TTLL6: variants seen among roughly 807,000 people sequenced by gnomAD.
TTLL6 encodes the protein tubulin polyglutamylase TTLL6.
Under a neutral mutation model 96.4 loss-of-function variants are expected in TTLL6, and 75 were observed. The observed-to-expected ratio is 0.78, with a 90% CI of 0.65 to 0.94. The LOEUF (loss-of-function observed/expected upper bound fraction) is 0.94, where lower values mean the gene tolerates loss of function less well. Among genes scored for constraint, TTLL6 ranks in the 40% least tolerant of loss-of-function variants. The probability of loss-of-function intolerance (pLI) is 0.00; values close to 1 mark genes in which losing one functional copy is unlikely to be tolerated. For synonymous variants in TTLL6, 411 were observed against 419.4 expected, an observed-to-expected ratio of 0.98 and a Z score of 0.24; for missense variants, 1,030 against 1,093.0, an observed-to-expected ratio of 0.94 and a Z score of 0.81.
chr17:48,789,539 A>T (rs1195206780), intron 10 of TTLL6, among the ~76,000 whole-genome samples: 1 of 152,130 alleles, frequency 6.6e-6, no homozygotes, highest in African/African-American at 2.4e-5. Context: ...CATAATTTGG[A>T]GGAAGACAGA....
chr17:48,791,349 G>T, intron 9 of TTLL6, 29 bp downstream of exon 9: 1 of 1,600,436 alleles, frequency 6.2e-7, no homozygotes, highest in Non-Finnish European at 8.6e-7. Flanking sequence ...ACAGGAGTTC[G>T]TTTTCGCCCC....
At chr17:48,801,747 A>G (rs2039419197) in intron 3 of TTLL6, 104 bp from the exon 4 acceptor site, 2 of 911,340 alleles carry the variant, frequency 2.2e-6, no homozygotes, top group East Asian at 2.7e-5. Flanking sequence ...GAAGCAAAAA[A>G]TCTCGGCTCC....
intron 13 of TTLL6, among the ~76,000 whole-genome samples, chr17:48,772,823 T>C (rs1229421818): frequency 6.6e-6 from 1 of 151,328 alleles, no homozygotes; most frequent in East Asian, 1.9e-4. Flanking sequence ...AAAAGAACAC[T>C]AGCCTGGGCA....
chr17:48,808,370 A>ATG (rs1408353178), intron 1 of TTLL6, among the ~76,000 whole-genome samples: 3 of 137,376 alleles, frequency 2.2e-5, no homozygotes, highest in Non-Finnish European at 4.7e-5. Context: ...CGCTTCTCAT[A>ATG]TGTATGTGTG....
intron 1 of TTLL6, among the ~76,000 whole-genome samples, chr17:48,806,889 G>T (rs1406156073): frequency 6.6e-6 from 1 of 151,728 alleles, no homozygotes; most frequent in African/African-American, 2.4e-5. Context: ...AATTAGCCAG[G>T]CATGGTGGTG....
At chr17:48,812,256 A>T (rs2039607916) in intron 1 of TTLL6, 1 of 152,206 alleles carries the variant, frequency 6.6e-6, no homozygotes, top group Non-Finnish European at 1.5e-5. Context: ...GAGGAAAGGC[A>T]AAAGACATGG....
At chr17:48,814,155 C>A (rs142913442) in intron 1 of TTLL6, among the ~76,000 whole-genome samples, 1 of 151,960 alleles carries the variant, frequency 6.6e-6, no homozygotes, top group Non-Finnish European at 1.5e-5. Flanking sequence ...CCCGTCTCTA[C>A]TAAAAATACA....
chr17:48,769,358 C>T (rs1242087677), intron 14 of TTLL6, 104 bp from the exon 15 acceptor site: 6 of 1,363,758 alleles, frequency 4.4e-6, no homozygotes, highest in Non-Finnish European at 4.9e-6. Flanking sequence ...CTGTAACTGC[C>T]ATTCAAAGCT....
intron 8 of TTLL6, among the ~76,000 whole-genome samples, chr17:48,795,812 A>G (rs2039306592): frequency 6.6e-6 from 1 of 152,124 alleles, no homozygotes; most frequent in Non-Finnish European, 1.5e-5. Flanking sequence ...TGCTGGGGAA[A>G]CAGCTCATGT....
At chr17:48,763,136 T>A (rs2038522096) in intron 15 of TTLL6, among the ~76,000 whole-genome samples, 163 bp from the exon 16 acceptor site, 1 of 151,116 alleles carries the variant, frequency 6.6e-6, no homozygotes, top group Non-Finnish European at 1.5e-5. Flanking sequence ...ACAACATTCA[T>A]CTTCCTGTAG....
rs1378796331 is a variant in TTLL6, at chr17:48,810,823, G to GTATA, written c.104-5833_104-5832insTATA. 1.5e-3 allele frequency among the ~76,000 whole-genome samples: 97 copies of GTATA among 65,796 alleles called. 2 individuals are homozygous for GTATA. The highest frequency in any genetic ancestry group is 4.5e-3 in the South Asian group (9 of 2,004). 43.2% of individuals were successfully genotyped at this position (65,796 alleles called of 152,430 possible). A position where few individuals can be genotyped will look rare whatever the true frequency, so the allele number is the denominator to read the frequency against. On this transcript the variant is annotated intron_variant, in intron 1 of 15. Coordinates refer to ENST00000393382, the MANE Select transcript of TTLL6 (RefSeq NM_001130918.3). Reference sequence around the variant, plus strand: ...ATATATACACATATATAGTATGTGTGTGTATATATATATATATATATATAT... The same window carrying GTATA: ...ATATATACACATATATAGTATGTGTGTATATGTATATATATATATATATATATAT...
At chr17:48,815,836 T>C (rs2039660677) in intron 1 of TTLL6, 2 of 152,228 alleles carry the variant, frequency 1.3e-5, no homozygotes, top group Admixed American at 6.5e-5. Context: ...TTTATTCTTC[T>C]AGAAACTGAG....
chr17:48,772,935 T>C (rs926496620), intron 13 of TTLL6, among the ~76,000 whole-genome samples: 1 of 133,670 alleles, frequency 7.5e-6, no homozygotes, highest in African/African-American at 2.9e-5. Flanking sequence ...GCCCAGAAGG[T>C]TGAGCCTGCA....
chr17:48,768,050 T>A (rs1330225603), intron 15 of TTLL6, among the ~76,000 whole-genome samples: 2 of 152,144 alleles, frequency 1.3e-5, no homozygotes, highest in East Asian at 3.8e-4. Context: ...AAGTGCCTAG[T>A]GGGGGCAGAT....
chr17:48,764,708 A>G (rs2038559178), intron 15 of TTLL6, among the ~76,000 whole-genome samples: 1 of 152,150 alleles, frequency 6.6e-6, no homozygotes, highest in African/African-American at 2.4e-5. Context: ...ATGCATTCCA[A>G]TGGACATTCT....
intron 8 of TTLL6, among the ~76,000 whole-genome samples, chr17:48,791,804 T>G (rs554164496): frequency 3.2e-4 from 49 of 152,164 alleles, no homozygotes; most frequent in African/African-American, 9.4e-4. Context: ...CCTCCAAGTC[T>G]CCAGAGCCCC....
intron 9 of TTLL6, 128 bp downstream of exon 9, chr17:48,791,250 C>T (rs1163289329): frequency 7.9e-6 from 6 of 763,800 alleles, no homozygotes; most frequent in Non-Finnish European, 1.1e-5. Flanking sequence ...CCCCAGGCAG[C>T]AGGCACCATG....
chr17:48,795,970 C>G, intron 8 of TTLL6, 91 bp downstream of exon 8: 1 of 1,052,082 alleles, frequency 9.5e-7, no homozygotes, highest in East Asian at 2.7e-5. Context: ...GATGGAAACA[C>G]TGATGGGGAC....
chr17:48,796,871 G>A (rs936920058), intron 7 of TTLL6, among the ~76,000 whole-genome samples, 190 bp downstream of exon 7: 12 of 152,180 alleles, frequency 7.9e-5, no homozygotes, highest in African/African-American at 2.6e-4. Flanking sequence ...TTTTAATCTC[G>A]TCATCTGTAA....
Sources: allele counts gnomAD v4.1 joint callset (sites outside exome capture counted in the v4.1 genomes callset), GRCh38; gene constraint gnomAD v4.1.1; transcripts MANE v1.5; gene names NCBI Gene and HGNC (gene_info 2026-07-23, HGNC 2026-07-21).